The following CSF2RB variants were observed in gnomAD, a reference collection of about 807,000 sequenced individuals.
CSF2RB encodes the protein cytokine receptor common subunit beta.
In CSF2RB, 22 loss-of-function variants were observed where a neutral mutation model predicts 67.2. The observed-to-expected ratio is 0.33, with a 90% confidence interval of 0.23 to 0.47. The LOEUF (loss-of-function observed/expected upper bound fraction) is 0.47, where lower values mean the gene tolerates loss of function less well. Among genes scored for constraint, CSF2RB ranks in the 20% least tolerant of loss-of-function variants. CSF2RB has a pLI of 1.00. For synonymous variants in CSF2RB, 507 were observed against 482.9 expected (o/e 1.05, Z -0.65); for missense variants, 1,113 against 1,174.5 (o/e 0.95, Z 0.76).
chr22:36,921,052 G>C (rs978147448), intron 1 of CSF2RB, among the ~76,000 whole-genome samples: 2 of 151,182 alleles, frequency 1.3e-5, no homozygotes, highest in African/African-American at 4.9e-5. Flanking sequence ...TGTGTAGGTG[G>C]TATATGCGAG....
In CSF2RB at chr22:36,934,095, A is replaced by G. The variant is rs1941219308; in HGVS notation, c.1315+101A>G. ...CAGCAGCCGTAGCAGGCCTGCAACA[A>G]CTTGTAGGTGAGCCGTCTCCCCGAT... On this transcript the variant is annotated intron_variant, in intron 10 of 13. Transcript: ENST00000403662. 5 of 1,460,270 alleles carry G rather than the reference A, an allele frequency of 3.4e-6. No homozygotes were observed. The Admixed American group carries it at 5.5e-5, about 16-fold the overall frequency. The allele number at this position is 1,460,270 out of a possible 1,614,324, so 90.5% of individuals were successfully genotyped here.
intron 4 of CSF2RB, among the ~76,000 whole-genome samples, chr22:36,929,062 G>T (rs1174648470): frequency 6.6e-6 from 1 of 152,188 alleles, no homozygotes; most frequent in Non-Finnish European, 1.5e-5. Context: ...TGAACCGCAG[G>T]CCCCTCTGCT....
chr22:36,926,227 G>C lies in CSF2RB; in HGVS notation c.391+50G>C, dbSNP rs748164035. ...GGGCTTGGTTTCCTGTGTGGACAGC[G>C]GGGGCACCAGGGGTGGTCCAGGGAG... is the stretch of plus-strand genomic sequence containing the variant. On this transcript the variant is annotated intron_variant, in intron 4 of 13. Transcript: ENST00000403662. 9 of 1,576,508 alleles carry C rather than the reference G, an allele frequency of 5.7e-6. No individual in the cohort carries two copies. In the East Asian group the frequency reaches 1.6e-4, roughly 27 times the overall value.
intron 10 of CSF2RB, among the ~76,000 whole-genome samples, chr22:36,934,930 C>T (rs547098170): frequency 6.6e-6 from 1 of 152,284 alleles, no homozygotes; most frequent in South Asian, 2.1e-4. Flanking sequence ...GATCAGGGGC[C>T]TCTGGAGGGG....
In CSF2RB at chr22:36,937,880, G is replaced by A. The variant is rs2145826975; in HGVS notation, c.2072G>A (p.Ser691Asn). 1 of 1,614,138 alleles carries A rather than the reference G, an allele frequency of 6.2e-7. No homozygotes were observed. Among genetic ancestry groups the A allele is most frequent in the East Asian group, 2.2e-5 (1 of 44,884 alleles). Residue 691 changes from serine (S) to asparagine (N), a missense_variant, in exon 14 of 14, where the codon AGC becomes AAC. Transcript: ENST00000403662. This position sits in a 1 kb window ranked among gnomAD's most constrained non-coding sequence, Gnocchi z 4.6. ...GTGGGAGGACAGGACCAAAAGGACA[G>A]CCCTGTGGCTATACCCATGAGCTCT... ...PRVGGQDQKD[S>N]PVAIPMSSGD...
rs75527703 is a variant in CSF2RB, at chr22:36,938,334, G to C, written c.2526G>C (p.Pro842=). 6.2e-7 allele frequency: 1 copy of C among 1,614,012 alleles called. No individual in the cohort carries two copies. Among genetic ancestry groups the C allele is most frequent in the Non-Finnish European group, 8.5e-7 (1 of 1,180,010 alleles). The change falls in exon 14 of 14, where the codon CCG becomes CCC. Residue 842 remains proline, a synonymous_variant. Coordinates refer to ENST00000403662, the MANE Select transcript of CSF2RB (RefSeq NM_000395.3). ...PLSLRSKPSS[P]GPGPEIKNLD... ...CGCTCCGGAGTAAACCTTCTTCCCC[G>C]GGACCCGGTCCTGAGATCAAGAACC...
chr22:36,938,955 G>A lies in CSF2RB; in HGVS notation c.*453G>A. The A allele has an allele frequency of 1.7e-6, 1 of 601,462 alleles. No individual in the cohort carries two copies. 37.3% of individuals were successfully genotyped at this position (601,462 alleles called of 1,614,324 possible). A position where few individuals can be genotyped will look rare whatever the true frequency, so the allele number is the denominator to read the frequency against. ...TTGTGTGGGCTGCCTGTCCCCGGCAGTCGCTGATGCACATGACATGATTCT... is the reference window on the plus strand; with the variant it reads ...TTGTGTGGGCTGCCTGTCCCCGGCAATCGCTGATGCACATGACATGATTCT... On this transcript the variant is annotated 3_prime_UTR_variant, in exon 14 of 14. Transcript: ENST00000403662.
rs200069235 is a variant in CSF2RB, at chr22:36,935,634, C to T, written c.1411C>T (p.Arg471Cys). ...CACCTCCGTGGTGTCTTCCAGGCTG[C>T]GCAGAAAGTGGGAGGAGAAGATCCC... is the stretch of plus-strand genomic sequence containing the variant. ...RFCGIYGYRL[R>C]RKWEEKIPNP... The change falls in exon 12 of 14, where the codon CGC becomes TGC. Residue 471 changes from arginine to cysteine, a missense_variant. By Grantham distance (180) the Arg-to-Cys change is radical. Around this residue, in one of 2 missense-constraint regions of CSF2RB, gnomAD observed 559 missense variants for 656.5 expected, o/e 0.85. Coordinates refer to ENST00000403662, the MANE Select transcript of CSF2RB (RefSeq NM_000395.3). The T allele has an allele frequency of 1.1e-3, 1,741 of 1,614,168 alleles. 27 individuals carry two copies. In the South Asian group the frequency reaches 0.018, roughly 16 times the overall value.
chr22:36,922,450 T>G (rs1940900251), intron 2 of CSF2RB, among the ~76,000 whole-genome samples, 167 bp downstream of exon 2: 1 of 152,140 alleles, frequency 6.6e-6, no homozygotes, highest in Admixed American at 6.5e-5. Context: ...TCCCTCCTCC[T>G]GCACATTCCT....
In CSF2RB at chr22:36,933,927, C is replaced by T; in HGVS notation, c.1248C>T (p.Thr416=). Residue 416 remains threonine (T), a synonymous_variant, in exon 10 of 14, where the codon ACC becomes ACT. Transcript: ENST00000403662. ...TRYWARVRVR[T]SRTGYNGIWS... Reference sequence around the variant, plus strand: ...ACTGGGCCAGGGTGAGGGTCAGGACCTCCCGCACCGGCTACAACGGGATCT... The same window carrying T: ...ACTGGGCCAGGGTGAGGGTCAGGACTTCCCGCACCGGCTACAACGGGATCT... 6.2e-7 allele frequency: 1 copy of T among 1,612,580 alleles called. No individual in the cohort carries two copies. Among genetic ancestry groups the T allele is most frequent in the African/African-American group, 1.3e-5 (1 of 75,026 alleles).
chr22:36,923,391 C>T, intron 3 of CSF2RB, 24 bp downstream of exon 3: 2 of 1,611,426 alleles, frequency 1.2e-6, no homozygotes, highest in Non-Finnish European at 1.7e-6. Flanking sequence ...GGGGCAGGGG[C>T]CACGGGCAGG....
intron 1 of CSF2RB, among the ~76,000 whole-genome samples, chr22:36,916,243 T>C (rs1307752132): frequency 6.6e-6 from 1 of 152,232 alleles, no homozygotes; most frequent in Non-Finnish European, 1.5e-5. Context: ...ACCTCTAAGA[T>C]TACAGAAAGA....
Position 36,934,040 on chromosome 22 carries a change from T to C in CSF2RB, c.1315+46T>C, listed in dbSNP as rs2075937. On this transcript the variant is annotated intron_variant, in intron 10 of 13. Coordinates refer to ENST00000403662, the MANE Select transcript of CSF2RB (RefSeq NM_000395.3). ...AGAGCTTCTGGCCAGGACCAGCTCA[T>C]AGTTTCTCACTGCCAGAAAATCCCC... 0.44 allele frequency: 713,765 copies of C among 1,604,482 alleles called. 168,427 individuals carry two copies. The highest frequency in any genetic ancestry group is 0.83 in the East Asian group (37,204 of 44,760).
chr22:36,921,925 G>A (rs1940881176), intron 1 of CSF2RB, 111 bp from the exon 2 acceptor site: 2 of 561,742 alleles, frequency 3.6e-6, no homozygotes, highest in Admixed American at 6.1e-5. Context: ...GCAGGAGACT[G>A]AGAGGTCATG....
At chr22:36,929,338 A>C (rs1941095263) in intron 4 of CSF2RB, 64 bp from the exon 5 acceptor site, 5 of 1,610,728 alleles carry the variant, frequency 3.1e-6, no homozygotes, top group South Asian at 2.2e-5. Flanking sequence ...ACAAAAGGCC[A>C]TGCAGGCCCT....
rs1243778515 is a variant in CSF2RB at position 36,938,398 on chromosome 22, G to T, written c.2590G>T (p.Ala864Ser). The T allele has an allele frequency of 6.2e-7, 1 of 1,614,174 alleles. No individual in the cohort carries two copies. The highest frequency in any genetic ancestry group is 8.5e-7 in the Non-Finnish European group (1 of 1,180,028). Residue 864 changes from alanine (A) to serine (S), a missense_variant, in exon 14 of 14, where the codon GCT becomes TCT. Coordinates refer to ENST00000403662, the MANE Select transcript of CSF2RB (RefSeq NM_000395.3). The stretch of plus-strand genomic sequence containing the variant: ...TCAAGTCAAGAAGCCCCCAGGCCAG[G>T]CTGTGCCCCAGGTGCCCGTCATTCA... ...AFQVKKPPGQ[A>S]VPQVPVIQLF...
At position 36,939,132 on chromosome 22, in the gene CSF2RB, C is replaced by T. The variant is rs78407697; in HGVS notation, c.*630C>T. On this transcript the variant is annotated 3_prime_UTR_variant, in exon 14 of 14. Coordinates refer to ENST00000403662, the MANE Select transcript of CSF2RB (RefSeq NM_000395.3). ...GAGAAATGGGCATGGTATTGGGGGT[C>T]GGGGGGGCGGTGCAAGGGACGCACA... 1.6e-4 allele frequency: 112 copies of T among 701,458 alleles called. No individual in the cohort carries two copies. Among genetic ancestry groups the T allele is most frequent in the African/African-American group, 1.4e-3 (80 of 57,096 alleles). 43.5% of individuals were successfully genotyped at this position (701,458 alleles called of 1,614,324 possible). A position where few individuals can be genotyped will look rare whatever the true frequency, so the allele number is the denominator to read the frequency against.
Position 36,936,618 on chromosome 22 carries a change from G to C in CSF2RB, c.1534G>C (p.Gly512Arg). The C allele has an allele frequency of 6.2e-7, 1 of 1,613,656 alleles. No homozygotes were observed. Among genetic ancestry groups the C allele is most frequent in the Non-Finnish European group, 8.5e-7 (1 of 1,179,978 alleles). ...AFTSGSPPHQ[G>R]PWGSRFPELE... ...CACTAGCGGGAGTCCCCCACACCAG[G>C]GGCCGTGGGGCAGCCGCTTCCCTGA... is the stretch of plus-strand genomic sequence containing the variant. Residue 512 changes from glycine to arginine, a missense_variant, in exon 13 of 14, where the codon GGG becomes CGG. Gly to Arg is a moderately radical substitution (Grantham distance 125). Around this residue, in one of 2 missense-constraint regions of CSF2RB, gnomAD observed 554 missense variants for 517.9 expected, o/e 1.07. Transcript: ENST00000403662.
chr22:36,923,473 G>A (rs1239306878), intron 3 of CSF2RB, 106 bp downstream of exon 3: 45 of 1,496,378 alleles, frequency 3.0e-5, no homozygotes, highest in Non-Finnish European at 3.8e-5. Context: ...GCCTCGGGGT[G>A]GGAGTGGACA....
Sources: gnomAD v4.1 joint callset for allele counts (sites outside exome capture counted in the v4.1 genomes callset) on GRCh38, gnomAD v4.1.1 for gene constraint, gnomAD v4.1.1 regional missense constraint, Gnocchi (gnomAD v3.1) non-coding constraint, MANE v1.5 for transcripts, NCBI Gene and HGNC (gene_info 2026-07-23, HGNC 2026-07-21) for gene names.